SPNS1: variants seen among roughly 807,000 people sequenced by gnomAD.
SPNS1 encodes SPNS lysolipid transporter 1, lysophospholipid.
Under a neutral mutation model 50.3 loss-of-function variants are expected in SPNS1, and 22 were observed. The ratio of observed to expected loss-of-function variants is 0.44; its 90% CI spans 0.31 to 0.62. SPNS1 has a LOEUF of 0.62. Ranked by LOEUF, SPNS1 falls within the 20% of genes least tolerant of loss-of-function variation. The pLI, the probability that SPNS1 is intolerant of heterozygous loss-of-function variation, is 0.07. For missense variants in SPNS1, 576 were observed against 728.6 expected, an observed-to-expected ratio of 0.79 and a Z score of 2.41; for synonymous variants, 295 against 317.4, an observed-to-expected ratio of 0.93 and a Z score of 0.75.
rs765342500 is a variant in SPNS1 at position 28,975,297 on chromosome 16, G to A, written c.146G>A (p.Arg49His). Reference sequence around the variant, plus strand: ...GTCCCGGACCAGGAGGGGCTGCAGCGCATCACCGGCCTGTCTCCCGGCCGT... The same window carrying A: ...GTCCCGGACCAGGAGGGGCTGCAGCACATCACCGGCCTGTCTCCCGGCCGT... Reference protein sequence around the residue: ...PEVPDQEGLQRITGLSPGRSA... With the variant: ...PEVPDQEGLQHITGLSPGRSA... Residue 49 changes from arginine (R) to histidine (H), a missense_variant, in exon 1 of 12, where the codon CGC becomes CAC. Coordinates refer to ENST00000311008, the MANE Select transcript of SPNS1 (RefSeq NM_032038.3). 5 of 1,581,684 alleles carry A rather than the reference G, an allele frequency of 3.2e-6. No homozygotes were observed. The highest frequency in any genetic ancestry group is 1.7e-5 in the Admixed American group (1 of 57,318).
At position 28,983,914 on chromosome 16, in the gene SPNS1, C is replaced by T; in HGVS notation, c.1449C>T (p.Ile483=). ...LGGAAFLGTA[I]FIEADRRRAQ... ...GCGCAGCCTTCCTGGGCACCGCCAT[C>T]TTCATTGAGGCCGACCGCCGGCGGG... The change falls in exon 11 of 12, where the codon ATC becomes ATT. Residue 483 remains isoleucine, a synonymous_variant. Coordinates refer to ENST00000311008, the MANE Select transcript of SPNS1 (RefSeq NM_032038.3). The surrounding 1 kb of genome is among the most constrained non-coding windows in gnomAD (Gnocchi z 5.4). The T allele has an allele frequency of 1.3e-6, 2 of 1,598,344 alleles. No individual in the cohort carries two copies. The highest frequency in any genetic ancestry group is 2.2e-5 in the East Asian group (1 of 44,746).
At position 28,983,107 on chromosome 16, in the gene SPNS1, G is replaced by C; in HGVS notation, c.1222-85G>C. ...AGGCACACCTCTGACCCCGGCCTAG[G>C]CGGATCCTTGGTGGTCTCCTGGCCC... On this transcript the variant is annotated intron_variant, in intron 9 of 11. Transcript: ENST00000311008. The surrounding 1 kb of genome is among the most constrained non-coding windows in gnomAD (Gnocchi z 5.4). 1 of 1,296,914 alleles carries C rather than the reference G, an allele frequency of 7.7e-7. No individual in the cohort carries two copies. The highest frequency in any genetic ancestry group is 1.1e-6 in the Non-Finnish European group (1 of 904,002). The allele number at this position is 1,296,914 out of a possible 1,614,324, so 80.3% of individuals were successfully genotyped here.
At position 28,983,798 on chromosome 16, in the gene SPNS1, C is replaced by G. The variant is rs759048740; in HGVS notation, c.1333C>G (p.Leu445Val). ...PYLIGLISDR[L>V]RRNWPPSFLS... is the part of the protein sequence containing the mutation. ...CCTCTCCCTGCAGATCTCTGACCGCCTGCGCCGGAACTGGCCCCCCTCCTT... is the reference window on the plus strand; with the variant it reads ...CCTCTCCCTGCAGATCTCTGACCGCGTGCGCCGGAACTGGCCCCCCTCCTT... Residue 445 changes from leucine to valine, a missense_variant, in exon 11 of 12, where the codon CTG (leucine) becomes GTG (valine). Physicochemically the swap from Leu to Val is conservative, Grantham distance 32 (BLOSUM62 1). Transcript: ENST00000311008. This position sits in a 1 kb window ranked among gnomAD's most constrained non-coding sequence, Gnocchi z 5.4. 4 of 1,594,012 alleles carry G rather than the reference C, an allele frequency of 2.5e-6. No homozygotes were observed. The highest frequency in any genetic ancestry group is 3.4e-6 in the Non-Finnish European group (4 of 1,172,430).
rs2141675914 is a variant in SPNS1, at chr16:28,982,517, G to A, written c.1127G>A (p.Cys376Tyr). The change falls in exon 8 of 12, where the codon TGC (cysteine) becomes TAC (tyrosine). Residue 376 changes from cysteine to tyrosine, a missense_variant. Cys to Tyr is a radical substitution (Grantham distance 194). This residue lies in a region of SPNS1 where 428 missense variants were observed against 520.1 expected (regional missense o/e 0.82). Transcript: ENST00000311008. The stretch of plus-strand genomic sequence containing the variant: ...CCCTTCCTCTTCCTGTCCCTTGCCT[G>A]CGCCCGTGGTAGCATCGTGGCCACT... ...SAPFLFLSLA[C>Y]ARGSIVATYI... 6.2e-7 allele frequency: 1 copy of A among 1,611,858 alleles called. No individual in the cohort carries two copies. The highest frequency in any genetic ancestry group is 8.5e-7 in the Non-Finnish European group (1 of 1,178,850).
rs974564735 is a variant in SPNS1, at chr16:28,974,882, G to T, written c.-270G>T. The T allele has an allele frequency of 8.5e-6, 13 of 1,534,218 alleles. 1 individual carries two copies. The African/African-American group carries it at 1.6e-4, about 19-fold the overall frequency. The stretch of plus-strand genomic sequence containing the variant: ...ACCCCGGGTGAGGGGTGGCCTCCGC[G>T]TGGGATCGTGCCCTCTTCAGCCCGC... On this transcript the variant is annotated 5_prime_UTR_variant, in exon 1 of 12. Coordinates refer to ENST00000311008, the MANE Select transcript of SPNS1 (RefSeq NM_032038.3).
At chr16:28,982,171 C>A in intron 7 of SPNS1, 115 bp downstream of exon 7, 1 of 1,396,652 alleles carries the variant, frequency 7.2e-7, no homozygotes, top group Non-Finnish European at 9.7e-7. Context: ...GCTGCCTGCT[C>A]TCCTGGAATC....
At position 28,983,634 on chromosome 16, in the gene SPNS1, T is replaced by C. The variant is rs1219932247; in HGVS notation, c.1321-152T>C. ...CTCCCACCTCAGCCTCCTGAGTAGCTGGGATGATAGGCATGAGCCACTGCA... is the reference window on the plus strand; with the variant it reads ...CTCCCACCTCAGCCTCCTGAGTAGCCGGGATGATAGGCATGAGCCACTGCA... On this transcript the variant is annotated intron_variant, in intron 10 of 11. Transcript: ENST00000311008. The surrounding 1 kb of genome is among the most constrained non-coding windows in gnomAD (Gnocchi z 5.4). 2.2e-6 allele frequency: 2 copies of C among 923,906 alleles called. No individual in the cohort carries two copies. Among genetic ancestry groups the C allele is most frequent in the African/African-American group, 1.7e-5 (1 of 60,000 alleles). 57.2% of individuals were successfully genotyped at this position (923,906 alleles called of 1,614,324 possible).
At position 28,974,993 on chromosome 16, in the gene SPNS1, C is replaced by G; in HGVS notation, c.-159C>G. ...CGGGGAGGCGTGACAGGGCCCGGGT[C>G]CCTTCTCAGTGGTGCTCTGTGCTTC... is the stretch of plus-strand genomic sequence containing the variant. On this transcript the variant is annotated 5_prime_UTR_variant, in exon 1 of 12. Transcript: ENST00000311008. The G allele has an allele frequency of 2.7e-6, 4 of 1,457,048 alleles. No homozygotes were observed. The highest frequency in any genetic ancestry group is 1.4e-5 in the African/African-American group (1 of 70,746). 90.3% of individuals were successfully genotyped at this position (1,457,048 alleles called of 1,614,324 possible). A position where few individuals can be genotyped will look rare whatever the true frequency, so the allele number is the denominator to read the frequency against.
At chr16:28,984,761 G>A, downstream of SPNS1, 2 of 1,094,542 alleles carry the variant, frequency 1.8e-6, no homozygotes, top group East Asian at 2.6e-5. Flanking sequence ...CCTGTCCCTT[G>A]CCTCACAGGC....
Position 28,984,427 on chromosome 16 carries a change from A to G in SPNS1, c.*128A>G. On this transcript the variant is annotated 3_prime_UTR_variant, in exon 12 of 12. Transcript: ENST00000311008. ...GACCCTGGGCCGTGTGCCAGCTCCC[A>G]GACACTACCTGGGTAGCTCAGGGGA... 1 of 940,174 alleles carries G rather than the reference A, an allele frequency of 1.1e-6. No individual in the cohort carries two copies. Among genetic ancestry groups the G allele is most frequent in the Non-Finnish European group, 1.7e-6 (1 of 601,494 alleles). The allele number at this position is 940,174 out of a possible 1,614,324, so 58.2% of individuals were successfully genotyped here.
Position 28,981,610 on chromosome 16 carries a change from A to G in SPNS1, c.804A>G (p.Ala268=). 1 of 1,613,968 alleles carries G rather than the reference A, an allele frequency of 6.2e-7. No homozygotes were observed. The highest frequency in any genetic ancestry group is 8.5e-7 in the Non-Finnish European group (1 of 1,179,940). The change falls in exon 6 of 12, where the codon GCA becomes GCG. Residue 268 remains alanine (A), a synonymous_variant. Coordinates refer to ENST00000311008, the MANE Select transcript of SPNS1 (RefSeq NM_032038.3). This position sits in a 1 kb window ranked among gnomAD's most constrained non-coding sequence, Gnocchi z 4.2. ...TSWWADLRAL[A]RNPSFVLSSL... ...GGTGGGCAGATCTGAGGGCTCTGGCAAGAAAGTGAGTTTATTCCCACCCTA... is the reference window on the plus strand; with the variant it reads ...GGTGGGCAGATCTGAGGGCTCTGGCGAGAAAGTGAGTTTATTCCCACCCTA...
chr16:28,981,760 C>A lies in SPNS1; in HGVS notation c.810-141C>A. The A allele has an allele frequency of 6.7e-7, 1 of 1,484,396 alleles. No individual in the cohort carries two copies. The highest frequency in any genetic ancestry group is 1.4e-5 in the African/African-American group (1 of 72,176). The allele number at this position is 1,484,396 out of a possible 1,614,324, so 92.0% of individuals were successfully genotyped here. On this transcript the variant is annotated intron_variant, in intron 6 of 11. Transcript: ENST00000311008. This position sits in a 1 kb window ranked among gnomAD's most constrained non-coding sequence, Gnocchi z 4.2. ...CCCCTTGTGGCAGCTGCTTGAATTA[C>A]AGGCCCAGATCCTGGGAGCCAGAAC...
intron 2 of SPNS1, 152 bp downstream of exon 2, chr16:28,975,709 G>A: frequency 2.6e-6 from 2 of 766,212 alleles, no homozygotes; most frequent in Admixed American, 2.4e-5. Flanking sequence ...GGGGTCAGCG[G>A]GACACCACAT....
At chr16:28,984,685 G>A, downstream of SPNS1, 1 of 658,100 alleles carries the variant, frequency 1.5e-6, no homozygotes, top group Non-Finnish European at 2.7e-6. Flanking sequence ...ACTGAGATGG[G>A]GGACTGCTCT....
Position 28,977,918 on chromosome 16 carries a change from C to T in SPNS1, c.318C>T (p.Ser106=). ...SSGLIQTVFI[S]SYMVLAPVFG... is the part of the protein sequence containing the mutation. ...TCTGCTTCCCCCTAGTGTTCATCTCCAGTTACATGGTGTTGGCACCTGTGT... is the reference window on the plus strand; with the variant it reads ...TCTGCTTCCCCCTAGTGTTCATCTCTAGTTACATGGTGTTGGCACCTGTGT... Residue 106 remains serine (S), a synonymous_variant, in exon 3 of 12, where the codon TCC becomes TCT. Transcript: ENST00000311008. 1 of 1,613,760 alleles carries T rather than the reference C, an allele frequency of 6.2e-7. No individual in the cohort carries two copies. Among genetic ancestry groups the T allele is most frequent in the East Asian group, 2.2e-5 (1 of 44,874 alleles).
Position 28,983,690 on chromosome 16 carries a change from C to A in SPNS1, c.1321-96C>A, listed in dbSNP as rs1965641330. 1 of 1,379,748 alleles carries A rather than the reference C, an allele frequency of 7.2e-7. No individual in the cohort carries two copies. Among genetic ancestry groups the A allele is most frequent in the Non-Finnish European group, 9.7e-7 (1 of 1,025,838 alleles). The allele number at this position is 1,379,748 out of a possible 1,614,324, so 85.5% of individuals were successfully genotyped here. ...CTCAAACCTCCTTCCCTTTCCTGGG[C>A]TCCACTTGTCTTTCTCCCTGGAGCT... On this transcript the variant is annotated intron_variant, in intron 10 of 11. Transcript: ENST00000311008. The surrounding 1 kb of genome is among the most constrained non-coding windows in gnomAD (Gnocchi z 5.4).
Position 28,984,352 on chromosome 16 carries a change from C to G in SPNS1, c.*53C>G, listed in dbSNP as rs564656761. 51 of 1,553,634 alleles carry G rather than the reference C, an allele frequency of 3.3e-5. No homozygotes were observed. Among genetic ancestry groups the G allele is most frequent in the African/African-American group, 2.6e-4 (19 of 73,812 alleles). ...CTGCCACAGCTGGCCCTGGGCCCACCCCACGAAGGGCCTGGGCCTAACCCC... is the reference window on the plus strand; with the variant it reads ...CTGCCACAGCTGGCCCTGGGCCCACGCCACGAAGGGCCTGGGCCTAACCCC... On this transcript the variant is annotated 3_prime_UTR_variant, in exon 12 of 12. Transcript: ENST00000311008.
downstream of SPNS1, chr16:28,984,704 T>G: frequency 1.4e-6 from 1 of 696,068 alleles, no homozygotes; most frequent in Non-Finnish European, 2.5e-6. Flanking sequence ...CTTCTCCGAG[T>G]GAGCTGGCTG....
At position 28,983,169 on chromosome 16, in the gene SPNS1, G is replaced by A; in HGVS notation, c.1222-23G>A. On this transcript the variant is annotated intron_variant, in intron 9 of 11. Transcript: ENST00000311008. The surrounding 1 kb of genome is among the most constrained non-coding windows in gnomAD (Gnocchi z 5.4). Reference sequence around the variant, plus strand: ...CCCCCTGGAGCCCAGAGCATCCACTGAGCTCCACCAACTCCTCCACAGTAC... The same window carrying A: ...CCCCCTGGAGCCCAGAGCATCCACTAAGCTCCACCAACTCCTCCACAGTAC... The A allele has an allele frequency of 6.3e-7, 1 of 1,585,428 alleles. No homozygotes were observed. The highest frequency in any genetic ancestry group is 8.7e-7 in the Non-Finnish European group (1 of 1,154,850).
Sources: allele counts gnomAD v4.1 joint callset, GRCh38; gene constraint gnomAD v4.1.1; regional missense constraint gnomAD v4.1.1; non-coding constraint Gnocchi (gnomAD v3.1); transcripts MANE v1.5; gene names NCBI Gene and HGNC (gene_info 2026-07-23, HGNC 2026-07-21).